MKS1: variants seen among roughly 807,000 people sequenced by gnomAD.
MKS1 encodes tectonic-like complex member MKS1.
A neutral mutation model predicts 83.7 loss-of-function variants in MKS1; 70 were observed. That is an observed-to-expected ratio of 0.84 (90% confidence interval 0.69 to 1.02). The LOEUF (loss-of-function observed/expected upper bound fraction) is 1.02. MKS1 is among the 50% of genes least tolerant of loss of function. The pLI, the probability that MKS1 is intolerant of heterozygous loss-of-function variation, is 0.00. For synonymous variants in MKS1, 251 were observed against 273.4 expected (o/e 0.92, Z 0.81); for missense variants, 681 against 726.9 (o/e 0.94, Z 0.73).
chr17:58,210,266 A>G (rs967425555), intron 11 of MKS1, among the ~76,000 whole-genome samples: 1 of 152,230 alleles, frequency 6.6e-6, no homozygotes, highest in Non-Finnish European at 1.5e-5. Context: ...TATTTAAGCC[A>G]TAGGATGGAT....
chr17:58,206,271 G>T lies in MKS1; in HGVS notation c.1588+12C>A, dbSNP rs762501967. The T allele has an allele frequency of 6.2e-7, 1 of 1,614,060 alleles. No homozygotes were observed. Among genetic ancestry groups the T allele is most frequent in the East Asian group, 2.2e-5 (1 of 44,868 alleles). ...GCTGACCTGGGGTGGCCAGCTGGGG[G>T]AGGGGACATACCTAGCACATTGTGA... On this transcript the variant is annotated intron_variant, in intron 17 of 17. Coordinates refer to ENST00000393119, the MANE Select transcript of MKS1 (RefSeq NM_017777.4).
intron 6 of MKS1, 111 bp from the exon 7 acceptor site, chr17:58,213,980 T>C (rs554183595): frequency 8.6e-6 from 9 of 1,049,708 alleles, no homozygotes; most frequent in African/African-American, 4.7e-5. Flanking sequence ...AGAGCTGTCA[T>C]GGTAAAACTT....
rs1003579700 is a variant in MKS1, at chr17:58,206,490, G to A, written c.1465C>T (p.Arg489Cys). The A allele has an allele frequency of 6.8e-6, 11 of 1,613,976 alleles. No homozygotes were observed. The highest frequency in any genetic ancestry group is 2.7e-5 in the African/African-American group (2 of 74,920). Residue 489 changes from arginine (R) to cysteine (C), a missense_variant, in exon 16 of 18, where the codon CGC becomes TGC. Coordinates refer to ENST00000393119, the MANE Select transcript of MKS1 (RefSeq NM_017777.4). ...CTGGACTGCTGCAGACAGTGCAAGC[G>A]GAAGGTGACAGTGCCTGTGGTCTCT... ...RTETTGTVTF[R>C]LHCLQQSRAF...
In MKS1 at chr17:58,205,776, C is replaced by T; in HGVS notation, c.*303G>A. On this transcript the variant is annotated 3_prime_UTR_variant, in exon 18 of 18. Coordinates refer to ENST00000393119, the MANE Select transcript of MKS1 (RefSeq NM_017777.4). ...GACAAGCCAGAAAAGTGAGTCAAGGCCAGACTCACTATGGGGTCACCCCAA... is the reference window on the plus strand; with the variant it reads ...GACAAGCCAGAAAAGTGAGTCAAGGTCAGACTCACTATGGGGTCACCCCAA... 7.0e-7 allele frequency: 1 copy of T among 1,427,492 alleles called. No individual in the cohort carries two copies. Among genetic ancestry groups the T allele is most frequent in the Non-Finnish European group, 9.3e-7 (1 of 1,071,264 alleles). The allele number at this position is 1,427,492 out of a possible 1,614,324, so 88.4% of individuals were successfully genotyped here. A position where few individuals can be genotyped will look rare whatever the true frequency, so the allele number is the denominator to read the frequency against.
rs1451406283 is a variant in MKS1 at position 58,214,275 on chromosome 17, G to A, written c.628C>T (p.Leu210=). 6.2e-7 allele frequency: 1 copy of A among 1,614,032 alleles called. No homozygotes were observed. The highest frequency in any genetic ancestry group is 8.5e-7 in the Non-Finnish European group (1 of 1,180,030). Residue 210 remains leucine (L), a synonymous_variant, in exon 6 of 18, where the codon CTG becomes TTG. Coordinates refer to ENST00000393119, the MANE Select transcript of MKS1 (RefSeq NM_017777.4). ...PLQTMHIMAD[L]GPYKKLGYKK... ...GCCACTCACTTTTTATAGGGCCCCA[G>A]GTCTGCCATGATGTGCATTGTCTGA... is the stretch of plus-strand genomic sequence containing the variant.
At position 58,216,082 on chromosome 17, in the gene MKS1, C is replaced by T; in HGVS notation, c.417+6G>A. The stretch of plus-strand genomic sequence containing the variant: ...GGAAGCTATGAGACCCTAGAAAGAA[C>T]AATACCTCCTCCAAATTGGTGTATC... On this transcript the variant is annotated splice_donor_region_variant and intron_variant, in intron 4 of 17. Transcript: ENST00000393119. 1 of 1,614,098 alleles carries T rather than the reference C, an allele frequency of 6.2e-7. No homozygotes were observed. Among genetic ancestry groups the T allele is most frequent in the African/African-American group, 1.3e-5 (1 of 75,050 alleles).
Position 58,216,137 on chromosome 17 carries a change from C to T in MKS1, c.368G>A (p.Arg123Gln), listed in dbSNP as rs202112856. 3.5e-4 allele frequency: 558 copies of T among 1,614,164 alleles called. 2 individuals carry two copies. The Middle Eastern group carries it at 0.01, about 30-fold the overall frequency. Residue 123 changes from arginine (R) to glutamine (Q), a missense_variant, in exon 4 of 18, where the codon CGA becomes CAA. Physicochemically the swap from Arg to Gln is conservative, Grantham distance 43 (BLOSUM62 1). Around this residue, in one of 3 missense-constraint regions of MKS1, gnomAD observed 365 missense variants for 383.8 expected, o/e 0.95. Coordinates refer to ENST00000393119, the MANE Select transcript of MKS1 (RefSeq NM_017777.4). The part of the protein sequence containing the change: ...KLENSGGKKN[R>Q]RIFTYTDSDR... ...AGAGTCAGTGTAGGTAAAGATTCGT[C>T]GGTTTTTCTTGCCACCCGAATTCTC... is the stretch of plus-strand genomic sequence containing the variant.
chr17:58,218,504 C>A, intron 2 of MKS1, 116 bp downstream of exon 2: 1 of 525,548 alleles, frequency 1.9e-6, no homozygotes, highest in Non-Finnish European at 3.6e-6. Context: ...TGTAGGTTGC[C>A]GGGCAACTCT....
At chr17:58,219,096 G>A (rs546275865) in intron 1 of MKS1, 55 bp downstream of exon 1, 132 of 1,544,100 alleles carry the variant, frequency 8.5e-5, no homozygotes, top group Non-Finnish European at 1.1e-4. Context: ...GCTCAGGTTG[G>A]AATGATCTAA....
intron 15 of MKS1, 97 bp from the exon 16 acceptor site, chr17:58,206,644 A>C (rs988031078): frequency 1.6e-6 from 2 of 1,241,902 alleles, no homozygotes; most frequent in Non-Finnish European, 2.3e-6. Context: ...CATTCTTGGG[A>C]AGCGCAGTTC....
At position 58,213,105 on chromosome 17, in the gene MKS1, C is replaced by G; in HGVS notation, c.750-15G>C. 1 of 1,612,672 alleles carries G rather than the reference C, an allele frequency of 6.2e-7. No individual in the cohort carries two copies. The highest frequency in any genetic ancestry group is 8.5e-7 in the Non-Finnish European group (1 of 1,178,660). On this transcript the variant is annotated splice_polypyrimidine_tract_variant and intron_variant, in intron 7 of 17. Coordinates refer to ENST00000393119, the MANE Select transcript of MKS1 (RefSeq NM_017777.4). ...CCGTCTCAATCCTGTAAGGTCAAAA[C>G]CACAGAAAGGAGCAACTCTAATAAT...
intron 2 of MKS1, 106 bp downstream of exon 2, chr17:58,218,514 T>A: frequency 1.9e-6 from 1 of 521,294 alleles, no homozygotes. Context: ...CGGGCAACTC[T>A]ATAACATATC....
Position 58,208,522 on chromosome 17 carries a change from G to A in MKS1, c.1086C>T (p.Ser362=), listed in dbSNP as rs748800331. The A allele has an allele frequency of 2.8e-5, 45 of 1,613,958 alleles. No individual in the cohort carries two copies. The highest frequency in any genetic ancestry group is 3.7e-5 in the Non-Finnish European group (44 of 1,179,992). ...SGVTQTCTTK[S]LAMDKVAHFS... is the part of the protein sequence containing the mutation. ...CTCTCATTCTCCATACCATTGCCAG[G>A]GACTTGGTGGTGCAGGTCTGTGTTA... Residue 362 remains serine, a synonymous_variant, in exon 12 of 18, where the codon TCC becomes TCT. Coordinates refer to ENST00000393119, the MANE Select transcript of MKS1 (RefSeq NM_017777.4).
At chr17:58,215,888 A>G (rs1969166000) in intron 4 of MKS1, 200 bp downstream of exon 4, 1 of 639,778 alleles carries the variant, frequency 1.6e-6, no homozygotes. Flanking sequence ...GCAGGCAGAG[A>G]AGGGAGCAGC....
At chr17:58,215,392 C>T (rs1023851719) in intron 4 of MKS1, among the ~76,000 whole-genome samples, 4 of 152,202 alleles carry the variant, frequency 2.6e-5, no homozygotes, top group Middle Eastern at 3.4e-3. Flanking sequence ...CCCACGTAGC[C>T]GGGACTACAG....
At chr17:58,210,791 T>C in intron 10 of MKS1, 67 bp from the exon 11 acceptor site, 3 of 1,529,048 alleles carry the variant, frequency 2.0e-6, no homozygotes, top group Non-Finnish European at 2.7e-6. Flanking sequence ...AACCCAATCC[T>C]GAGGGGCCTA....
intron 3 of MKS1, 41 bp downstream of exon 3, chr17:58,216,625 C>G: frequency 6.3e-7 from 1 of 1,599,808 alleles, no homozygotes; most frequent in Non-Finnish European, 8.6e-7. Flanking sequence ...TGGAGGTAGA[C>G]CAGATGGAAT....
chr17:58,205,713 T>C lies in MKS1; in HGVS notation c.*366A>G, dbSNP rs768932890. ...TCTTGGAAGATGAAAGGCTCCATTT[T>C]TAAAGGGTGGAGAACAGCAGATCCC... On this transcript the variant is annotated 3_prime_UTR_variant, in exon 18 of 18. Transcript: ENST00000393119. 331 of 1,333,292 alleles carry C rather than the reference T, an allele frequency of 2.5e-4. No individual in the cohort carries two copies. The highest frequency in any genetic ancestry group is 1.4e-5 in the Non-Finnish European group (14 of 1,008,720). 82.6% of individuals were successfully genotyped at this position (1,333,292 alleles called of 1,614,324 possible). A position where few individuals can be genotyped will look rare whatever the true frequency, so the allele number is the denominator to read the frequency against.
intron 10 of MKS1, 21 bp downstream of exon 10, chr17:58,210,959 C>G (rs372290055): frequency 6.2e-7 from 1 of 1,612,258 alleles, no homozygotes; most frequent in Middle Eastern, 1.7e-4. Context: ...ATCAAGAGAT[C>G]TATGCTAGCA....
Sources: allele counts gnomAD v4.1 joint callset (sites outside exome capture counted in the v4.1 genomes callset), GRCh38; gene constraint gnomAD v4.1.1; regional missense constraint gnomAD v4.1.1; transcripts MANE v1.5; gene names NCBI Gene and HGNC (gene_info 2026-07-23, HGNC 2026-07-21).